The following SLIT3 variants were observed in gnomAD, a reference collection of about 807,000 sequenced individuals.
SLIT3 encodes the protein slit homolog 3 protein.
SLIT3 carries 68 observed loss-of-function variants against 184.0 expected under a neutral mutation model. The ratio of observed to expected loss-of-function variants is 0.37; its 90% CI spans 0.30 to 0.45. The LOEUF (loss-of-function observed/expected upper bound fraction) is 0.45, where lower values mean the gene tolerates loss of function less well. Ranked by LOEUF, SLIT3 falls within the 20% of genes least tolerant of loss-of-function variation. SLIT3 has a pLI of 1.00. For missense variants in SLIT3, 1,707 were observed against 2,026.0 expected (o/e 0.84, Z 3.02); for synonymous variants, 831 against 828.6 (o/e 1.00, Z -0.05).
At chr5:168,923,216 T>C (rs1173161463) in intron 4 of SLIT3, among the ~76,000 whole-genome samples, 1 of 152,104 alleles carries the variant, frequency 6.6e-6, no homozygotes, top group African/African-American at 2.4e-5. Context: ...GGATGGCAGA[T>C]AAACAGCAGG....
At chr5:168,901,776 G>A (rs370663787) in intron 4 of SLIT3, among the ~76,000 whole-genome samples, 2 of 152,178 alleles carry the variant, frequency 1.3e-5, no homozygotes, top group East Asian at 1.9e-4. Flanking sequence ...AGGGCAGGGC[G>A]TGAGGGAAGT....
At chr5:169,125,438 G>GTA (rs1288971400) in intron 4 of SLIT3, among the ~76,000 whole-genome samples, 3 of 152,244 alleles carry the variant, frequency 2.0e-5, no homozygotes, top group African/African-American at 7.2e-5. Context: ...ACCAAGTCTT[G>GTA]TAGTTAGGAT....
chr5:168,731,202 G>A (rs557367809), intron 20 of SLIT3, among the ~76,000 whole-genome samples: 22 of 151,944 alleles, frequency 1.4e-4, no homozygotes, highest in South Asian at 4.2e-4. Flanking sequence ...ATAAATTCCC[G>A]GAAGCATGCA....
At chr5:169,061,415 C>T (rs1223753005) in intron 4 of SLIT3, among the ~76,000 whole-genome samples, 1 of 152,186 alleles carries the variant, frequency 6.6e-6, no homozygotes, top group African/African-American at 2.4e-5. Context: ...TCATAATTCT[C>T]CCCTCAATCA....
chr5:168,754,064 G>A (rs565701416), intron 16 of SLIT3, 57 bp from the exon 17 acceptor site: 32 of 1,505,880 alleles, frequency 2.1e-5, no homozygotes, highest in African/African-American at 1.2e-4. Flanking sequence ...TCTTGATGCC[G>A]GGAGGGGATG....
chr5:169,090,764 G>A (rs902208141), intron 4 of SLIT3, among the ~76,000 whole-genome samples: 1 of 152,204 alleles, frequency 6.6e-6, no homozygotes, highest in Non-Finnish European at 1.5e-5. Flanking sequence ...GCCACCACAA[G>A]CCAAGGAATG....
At chr5:168,712,555 G>C in intron 23 of SLIT3, 1 of 579,552 alleles carries the variant, frequency 1.7e-6, no homozygotes, top group Non-Finnish European at 3.1e-6. Flanking sequence ...GGGAGTAGAG[G>C]GTTTGCGGAA....
chr5:168,771,301 G>A (rs555846996), intron 14 of SLIT3, among the ~76,000 whole-genome samples: 2 of 152,294 alleles, frequency 1.3e-5, no homozygotes, highest in African/African-American at 4.8e-5. Flanking sequence ...TTCAGGGAGC[G>A]GGTAGGGGTG....
intron 5 of SLIT3, among the ~76,000 whole-genome samples, chr5:168,859,314 T>C (rs545635876): frequency 6.6e-6 from 1 of 152,316 alleles, no homozygotes; most frequent in African/African-American, 2.4e-5. Flanking sequence ...GGGAATTGCG[T>C]GGCTGTCATA....
chr5:169,295,239 G>C (rs62376949), intron 1 of SLIT3, among the ~76,000 whole-genome samples: 12,571 of 152,310 alleles, frequency 0.083, 665 homozygotes, highest in East Asian at 0.3. Flanking sequence ...CTGTTGACCA[G>C]AATGTCATTT....
rs1429889884 is a variant in SLIT3 at position 168,663,078 on chromosome 5, T to G, written c.*3376A>C. 1.3e-5 allele frequency: 2 copies of G among 152,196 alleles called. No individual in the cohort carries two copies. The highest frequency in any genetic ancestry group is 3.9e-4 in the East Asian group (2 of 5,188). The allele number at this position is 152,196 out of a possible 1,614,324, so 9.4% of individuals were successfully genotyped here. On this transcript the variant is annotated 3_prime_UTR_variant, in exon 36 of 36. Transcript: ENST00000519560. ...GGTTGATGGGGGCTGGATTCAGGAT[T>G]GGGCCCAGGGTGATGAGCAGAGGGA...
intron 4 of SLIT3, among the ~76,000 whole-genome samples, chr5:169,138,312 G>C (rs947788313): frequency 6.6e-6 from 1 of 152,182 alleles, no homozygotes; most frequent in African/African-American, 2.4e-5. Flanking sequence ...GAAAAGAGCG[G>C]AAGCCCTGCC....
At chr5:168,980,498 C>T (rs950404080) in intron 4 of SLIT3, among the ~76,000 whole-genome samples, 7 of 151,746 alleles carry the variant, frequency 4.6e-5, no homozygotes, top group African/African-American at 1.7e-4. Flanking sequence ...CAAAGGTCAC[C>T]CAGCTTGGTA....
intron 4 of SLIT3, among the ~76,000 whole-genome samples, chr5:169,192,127 C>A (rs1284966750): frequency 6.6e-6 from 1 of 152,132 alleles, no homozygotes; most frequent in Non-Finnish European, 1.5e-5. Context: ...CATAGTTTAT[C>A]CAGCTCTTCT....
chr5:169,279,614 T>TA (rs1189607062), intron 1 of SLIT3, among the ~76,000 whole-genome samples: 2 of 152,202 alleles, frequency 1.3e-5, no homozygotes, highest in Non-Finnish European at 2.9e-5. Context: ...ATTATGTAAA[T>TA]AATAATTTAA....
intron 3 of SLIT3, among the ~76,000 whole-genome samples, chr5:169,235,275 C>T (rs892492443): frequency 6.6e-6 from 1 of 152,104 alleles, no homozygotes; most frequent in African/African-American, 2.4e-5. Flanking sequence ...AAGCAGTATT[C>T]ATCCATTTCT....
At chr5:169,107,785 G>C (rs1374043881) in intron 4 of SLIT3, among the ~76,000 whole-genome samples, 1 of 152,226 alleles carries the variant, frequency 6.6e-6, no homozygotes, top group Non-Finnish European at 1.5e-5. Flanking sequence ...CCCACATAAA[G>C]GCCTTGGCCT....
At chr5:168,675,694 C>A (rs1239114413) in intron 32 of SLIT3, among the ~76,000 whole-genome samples, 1 of 152,066 alleles carries the variant, frequency 6.6e-6, no homozygotes, top group African/African-American at 2.4e-5. Flanking sequence ...TAGCACGACC[C>A]CTATTTCTTA....
At chr5:169,150,597 T>C (rs1158519839) in intron 4 of SLIT3, among the ~76,000 whole-genome samples, 1 of 151,942 alleles carries the variant, frequency 6.6e-6, no homozygotes, top group Non-Finnish European at 1.5e-5. Flanking sequence ...GGAGCAGTAA[T>C]GTCTGTTTTA....
Sources: gnomAD v4.1 joint callset for allele counts (sites outside exome capture counted in the v4.1 genomes callset) on GRCh38, gnomAD v4.1.1 for gene constraint, MANE v1.5 for transcripts, NCBI Gene and HGNC (gene_info 2026-07-23, HGNC 2026-07-21) for gene names.